The following TMTC2 variants were observed in gnomAD, a reference collection of about 807,000 sequenced individuals.
TMTC2 encodes the protein protein O-mannosyl-transferase TMTC2.
Under a neutral mutation model 82.4 loss-of-function variants are expected in TMTC2, and 43 were observed. The ratio of observed to expected loss-of-function variants is 0.52; its 90% CI spans 0.41 to 0.67. The LOEUF (loss-of-function observed/expected upper bound fraction) is 0.67, where lower values mean the gene tolerates loss of function less well. Ranked by LOEUF, TMTC2 falls within the 30% of genes least tolerant of loss-of-function variation. The pLI is 0.00. For missense variants in TMTC2, 919 were observed against 1,012.4 expected (o/e 0.91, Z 1.25); for synonymous variants, 408 against 381.9 (o/e 1.07, Z -0.80).
intron 2 of TMTC2, among the ~76,000 whole-genome samples, chr12:82,870,227 G>C (rs946015727): frequency 9.2e-5 from 14 of 151,866 alleles, no homozygotes; most frequent in African/African-American, 3.4e-4. Context: ...TTCCTCCCAG[G>C]TTCCTCCTTC....
At chr12:82,744,506 G>A (rs1875578033) in intron 1 of TMTC2, among the ~76,000 whole-genome samples, 2 of 149,246 alleles carry the variant, frequency 1.3e-5, no homozygotes, top group Non-Finnish European at 3.0e-5. Flanking sequence ...TGAAGCAGAG[G>A]ATCACAAGTT....
chr12:82,916,933 C>T (rs1437252341), intron 3 of TMTC2, among the ~76,000 whole-genome samples: 1 of 152,058 alleles, frequency 6.6e-6, no homozygotes, highest in Non-Finnish European at 1.5e-5. Flanking sequence ...AAATCATAGC[C>T]ACTTCTTCTA....
chr12:82,810,830 G>A (rs1200668695), intron 1 of TMTC2, among the ~76,000 whole-genome samples: 3 of 152,080 alleles, frequency 2.0e-5, no homozygotes, highest in Non-Finnish European at 2.9e-5. Context: ...CCTTAGCTGG[G>A]CACTTCTCTT....
chr12:82,963,862 CTTA>C (rs1227265561), intron 4 of TMTC2, among the ~76,000 whole-genome samples: 1 of 101,832 alleles, frequency 9.8e-6, no homozygotes, highest in Non-Finnish European at 1.9e-5. Context: ...TGAAAGTGAT[CTTA>C]TTGTGTTTGG....
At chr12:82,858,609 G>T (rs1030341654) in intron 2 of TMTC2, among the ~76,000 whole-genome samples, 11 of 151,372 alleles carry the variant, frequency 7.3e-5, no homozygotes, top group African/African-American at 2.7e-4. Context: ...ACAAATTGAG[G>T]CAAATGCTGT....
chr12:82,874,868 C>A (rs1162003802), intron 2 of TMTC2, among the ~76,000 whole-genome samples: 1 of 151,884 alleles, frequency 6.6e-6, no homozygotes, highest in Non-Finnish European at 1.5e-5. Context: ...AAAAATAATG[C>A]TTTTTAAATA....
At chr12:82,926,410 G>A (rs1875718888) in intron 3 of TMTC2, among the ~76,000 whole-genome samples, 1 of 152,178 alleles carries the variant, frequency 6.6e-6, no homozygotes, top group South Asian at 2.1e-4. Flanking sequence ...AGGAAGCTGT[G>A]GAAGAAAAGT....
At chr12:82,992,015 T>C (rs1879421685) in intron 8 of TMTC2, among the ~76,000 whole-genome samples, 1 of 152,214 alleles carries the variant, frequency 6.6e-6, no homozygotes, top group South Asian at 2.1e-4. Flanking sequence ...GGAAGGATAT[T>C]GGAGACTCTG....
intron 1 of TMTC2, among the ~76,000 whole-genome samples, chr12:82,799,296 C>T (rs1465811826): frequency 6.6e-6 from 1 of 152,096 alleles, no homozygotes. Flanking sequence ...TGGTTCCAGC[C>T]TCCATGTTGC....
intron 4 of TMTC2, among the ~76,000 whole-genome samples, chr12:82,951,560 A>G (rs12320912): frequency 0.022 from 3,277 of 152,130 alleles, 88 homozygotes; most frequent in East Asian, 0.15. Flanking sequence ...AGCTCAGGCA[A>G]TCCTCCCGCC....
intron 8 of TMTC2, among the ~76,000 whole-genome samples, chr12:82,997,362 A>ATGTG (rs1202095803): frequency 0.011 from 304 of 26,450 alleles, 85 homozygotes; most frequent in East Asian, 0.078. Flanking sequence ...ATATATATAT[A>ATGTG]TATGTGTATA....
At chr12:83,053,662 T>C (rs1261265079) in intron 10 of TMTC2, among the ~76,000 whole-genome samples, 1 of 152,106 alleles carries the variant, frequency 6.6e-6, no homozygotes, top group Non-Finnish European at 1.5e-5. Context: ...GTTTGAAATT[T>C]GAGAAATTTC....
chr12:82,784,560 C>G (rs923108791), intron 1 of TMTC2, among the ~76,000 whole-genome samples: 1 of 152,066 alleles, frequency 6.6e-6, no homozygotes, highest in African/African-American at 2.4e-5. Flanking sequence ...AGTGGGAAAG[C>G]TGAAGTTGTG....
intron 11 of TMTC2, among the ~76,000 whole-genome samples, chr12:83,093,658 A>G (rs902722515): frequency 6.6e-6 from 1 of 152,162 alleles, no homozygotes; most frequent in Non-Finnish European, 1.5e-5. Context: ...CTTGAACAGC[A>G]CAGGAAGTAA....
At chr12:83,010,396 G>A (rs1017575844) in intron 8 of TMTC2, among the ~76,000 whole-genome samples, 3 of 152,110 alleles carry the variant, frequency 2.0e-5, no homozygotes, top group African/African-American at 7.2e-5. Context: ...TGAGACGCCA[G>A]ACCTCTCACC....
chr12:83,072,535 AGTTTAAATGCATG>A (rs2137490300), intron 11 of TMTC2, among the ~76,000 whole-genome samples: 1 of 152,288 alleles, frequency 6.6e-6, no homozygotes, highest in East Asian at 1.9e-4. Context: ...GTCAAGGTAT[AGTTTAAATGCATG>A]GTTTCTTTGT....
intron 10 of TMTC2, among the ~76,000 whole-genome samples, chr12:83,059,705 G>T (rs975628479): frequency 1.3e-5 from 2 of 151,660 alleles, no homozygotes; most frequent in Admixed American, 1.3e-4. Flanking sequence ...ATTTTGGGGG[G>T]CAGTAAAACC....
At chr12:82,696,777 G>A (rs1004621643) in intron 1 of TMTC2, among the ~76,000 whole-genome samples, 1 of 151,996 alleles carries the variant, frequency 6.6e-6, no homozygotes, top group African/African-American at 2.4e-5. Flanking sequence ...GCCTGTGGCT[G>A]GCAAGGAGTT....
intron 1 of TMTC2, among the ~76,000 whole-genome samples, chr12:82,775,630 TG>T (rs1260704250): frequency 4.6e-5 from 7 of 152,130 alleles, no homozygotes; most frequent in African/African-American, 1.7e-4. Context: ...TAATGAATAA[TG>T]GTCACTGAAA....
Sources: allele counts gnomAD v4.1 joint callset (sites outside exome capture counted in the v4.1 genomes callset), GRCh38; gene constraint gnomAD v4.1.1; transcripts MANE v1.5; gene names NCBI Gene and HGNC (gene_info 2026-07-23, HGNC 2026-07-21).